The following MLXIP variants were observed in gnomAD, a reference collection of about 807,000 sequenced individuals.
The protein encoded by MLXIP is MLX-interacting protein.
A neutral mutation model predicts 87.2 loss-of-function variants in MLXIP; 30 were observed. The ratio of observed to expected loss-of-function variants is 0.34; its 90% CI spans 0.26 to 0.47. The LOEUF is 0.47. Ranked by LOEUF, MLXIP falls within the 20% of genes least tolerant of loss-of-function variation. The pLI is 1.00. For synonymous variants in MLXIP, 530 were observed against 514.0 expected (o/e 1.03, Z -0.42); for missense variants, 1,002 against 1,240.1 (o/e 0.81, Z 2.88).
chr12:122,116,684 AC>A (rs1469555491), intron 1 of MLXIP, among the ~76,000 whole-genome samples: 2 of 152,186 alleles, frequency 1.3e-5, no homozygotes, highest in African/African-American at 4.8e-5. Context: ...AAACTTAAGA[AC>A]ATGCCCAAGA....
At chr12:122,110,050 T>C (rs1952580485) in intron 1 of MLXIP, among the ~76,000 whole-genome samples, 2 of 152,126 alleles carry the variant, frequency 1.3e-5, no homozygotes. Context: ...CCAGGAACTC[T>C]CTTTCTGGGG....
chr12:122,130,099 T>A lies in MLXIP; in HGVS notation c.897T>A (p.Asn299Lys). 1 of 1,613,434 alleles carries A rather than the reference T, an allele frequency of 6.2e-7. No individual in the cohort carries two copies. Among genetic ancestry groups the A allele is most frequent in the Non-Finnish European group, 8.5e-7 (1 of 1,179,692 alleles). The change falls in exon 6 of 17, where the codon AAT becomes AAA. Residue 299 changes from asparagine to lysine, a missense_variant. Around this residue, in one of 3 missense-constraint regions of MLXIP, gnomAD observed 746 missense variants for 897.0 expected, o/e 0.83. Coordinates refer to ENST00000319080, the MANE Select transcript of MLXIP (RefSeq NM_014938.6). ...LSSHQPVAWP[N>K]PREIAHLGNA... ...CACACCAGCCGGTGGCCTGGCCCAA[T>A]CCCCGGGAAATAGGTAACCCAAACC... is the stretch of plus-strand genomic sequence containing the variant.
chr12:122,102,192 A>G (rs1282151167), intron 1 of MLXIP, among the ~76,000 whole-genome samples: 1 of 152,232 alleles, frequency 6.6e-6, no homozygotes, highest in Non-Finnish European at 1.5e-5. Context: ...CAAATTATAT[A>G]TCTATTAAAA....
rs1296562616 is a variant in MLXIP at position 122,078,782 on chromosome 12, G to C, written c.-72G>C. ...GTCGGCGCGCGGGCCGGGCCGGGCC[G>C]GCGCCCCTCTGCCTCGCGCGCTTGT... On this transcript the variant is annotated 5_prime_UTR_variant, in exon 1 of 17. Coordinates refer to ENST00000319080, the MANE Select transcript of MLXIP (RefSeq NM_014938.6). 9.8e-7 allele frequency: 1 copy of C among 1,018,610 alleles called. No homozygotes were observed. Among genetic ancestry groups the C allele is most frequent in the African/African-American group, 1.8e-5 (1 of 57,014 alleles). 63.1% of individuals were successfully genotyped at this position (1,018,610 alleles called of 1,614,324 possible). A position where few individuals can be genotyped will look rare whatever the true frequency, so the allele number is the denominator to read the frequency against.
In MLXIP at chr12:122,079,196, A is replaced by G. The variant is rs1419640670; in HGVS notation, c.343A>G (p.Thr115Ala). 1 of 1,551,100 alleles carries G rather than the reference A, an allele frequency of 6.4e-7. No homozygotes were observed. The highest frequency in any genetic ancestry group is 1.2e-5 in the South Asian group (1 of 84,046). Residue 115 changes from threonine to alanine, a missense_variant, in exon 1 of 17, where the codon ACT becomes GCT. By Grantham distance (58) the Thr-to-Ala change is moderately conservative. Coordinates refer to ENST00000319080, the MANE Select transcript of MLXIP (RefSeq NM_014938.6). ...QTCQTYSFGKTSSCHLSIDAS... is the reference protein window; with the variant it reads ...QTCQTYSFGKASSCHLSIDAS... ...GTGCCAGACCTACAGCTTCGGCAAG[A>G]CTAGCTCCTGCCACCTGTCCATCGA...
intron 11 of MLXIP, chr12:122,136,923 G>A (rs1953103945): frequency 6.6e-6 from 1 of 152,216 alleles, no homozygotes; most frequent in Non-Finnish European, 1.5e-5. Context: ...CAGCCTCACG[G>A]GGAGTTTGGG....
At chr12:122,087,606 G>A (rs1433376144) in intron 1 of MLXIP, among the ~76,000 whole-genome samples, 1 of 152,212 alleles carries the variant, frequency 6.6e-6, no homozygotes, top group African/African-American at 2.4e-5. Flanking sequence ...GAATGTAGAG[G>A]GCAGGAGTGA....
rs370249501 is a variant in MLXIP, at chr12:122,133,552, A to C, written c.1297A>C (p.Thr433Pro). ...SVPQPFLPVFTMPLLSPSPAP... is the reference protein window; with the variant it reads ...SVPQPFLPVFPMPLLSPSPAP... ...CCCGCAGCCCTTCCTCCCTGTCTTCACCATGCCCCTGCTGTCTCCCAGCCC... is the reference window on the plus strand; with the variant it reads ...CCCGCAGCCCTTCCTCCCTGTCTTCCCCATGCCCCTGCTGTCTCCCAGCCC... The change falls in exon 9 of 17, where the codon ACC becomes CCC. Residue 433 changes from threonine to proline, a missense_variant. Around this residue, in one of 3 missense-constraint regions of MLXIP, gnomAD observed 746 missense variants for 897.0 expected, o/e 0.83. Transcript: ENST00000319080. The surrounding 1 kb of genome is among the most constrained non-coding windows in gnomAD (Gnocchi z 4.9). 6.2e-7 allele frequency: 1 copy of C among 1,606,294 alleles called. No homozygotes were observed. The highest frequency in any genetic ancestry group is 1.3e-5 in the African/African-American group (1 of 74,582).
chr12:122,103,967 G>C (rs1311207119), intron 1 of MLXIP, among the ~76,000 whole-genome samples: 1 of 151,730 alleles, frequency 6.6e-6, no homozygotes, highest in African/African-American at 2.4e-5. Flanking sequence ...AAGCTACCGT[G>C]CCTGGCCAAA....
chr12:122,133,275 T>A lies in MLXIP; in HGVS notation c.1093-73T>A. ...AGCGCCCGGCCTGTGTAGTTGGACT[T>A]GGCAGTGTGCAGCGCTAGAAAGGAA... On this transcript the variant is annotated intron_variant, in intron 8 of 16. Coordinates refer to ENST00000319080, the MANE Select transcript of MLXIP (RefSeq NM_014938.6). The surrounding 1 kb of genome is among the most constrained non-coding windows in gnomAD (Gnocchi z 4.9). 6.7e-7 allele frequency: 1 copy of A among 1,491,678 alleles called. No homozygotes were observed. The highest frequency in any genetic ancestry group is 8.9e-7 in the Non-Finnish European group (1 of 1,122,170). The allele number at this position is 1,491,678 out of a possible 1,614,324, so 92.4% of individuals were successfully genotyped here.
Position 122,145,631 on chromosome 12 carries a change from G to GC in MLXIP, c.*3824dup, listed in dbSNP as rs1245281040. On this transcript the variant is annotated 3_prime_UTR_variant, in exon 17 of 17. Coordinates refer to ENST00000319080, the MANE Select transcript of MLXIP (RefSeq NM_014938.6). ...GCCCCTTCCTCCAAGGCCCTAGCTGGCCCCCGGGTGAACCTGAGGTGGCAG... is the reference window on the plus strand; with the variant it reads ...GCCCCTTCCTCCAAGGCCCTAGCTGGCCCCCCGGGTGAACCTGAGGTGGCAG... 2 of 152,600 alleles carry GC rather than the reference G, an allele frequency of 1.3e-5. No individual in the cohort carries two copies. The highest frequency in any genetic ancestry group is 2.9e-5 in the Non-Finnish European group (2 of 68,276). 9.5% of individuals were successfully genotyped at this position (152,600 alleles called of 1,614,324 possible).
intron 1 of MLXIP, among the ~76,000 whole-genome samples, chr12:122,103,196 TATG>T (rs1240521377): frequency 8.7e-4 from 54 of 61,804 alleles, no homozygotes; most frequent in South Asian, 4.8e-3. Flanking sequence ...TGTATGTATG[TATG>T]TATTTATTTA....
chr12:122,082,432 C>T (rs1486000793), intron 1 of MLXIP, among the ~76,000 whole-genome samples: 1 of 152,132 alleles, frequency 6.6e-6, no homozygotes, highest in Non-Finnish European at 1.5e-5. Flanking sequence ...GATAAAATTT[C>T]CCTGCAAGGT....
At chr12:122,107,193 G>A (rs1952534274) in intron 1 of MLXIP, among the ~76,000 whole-genome samples, 1 of 152,148 alleles carries the variant, frequency 6.6e-6, no homozygotes, top group South Asian at 2.1e-4. Context: ...GCCCTTGGTG[G>A]CATTTCCTCG....
intron 1 of MLXIP, among the ~76,000 whole-genome samples, chr12:122,115,183 G>T (rs1002051263): frequency 6.6e-6 from 1 of 151,990 alleles, no homozygotes. Flanking sequence ...ATTATGGATA[G>T]ATATATATTT....
intron 1 of MLXIP, among the ~76,000 whole-genome samples, chr12:122,088,609 A>G (rs1312409800): frequency 6.6e-6 from 1 of 152,208 alleles, no homozygotes; most frequent in Non-Finnish European, 1.5e-5. Flanking sequence ...GGCTGTGGGT[A>G]GAAGCAGCCG....
chr12:122,110,835 T>C (rs1319328865), intron 1 of MLXIP, among the ~76,000 whole-genome samples: 3 of 151,802 alleles, frequency 2.0e-5, no homozygotes, highest in African/African-American at 4.8e-5. Flanking sequence ...CCCAGCACTT[T>C]GGGAGGCCAA....
chr12:122,090,169 G>A (rs946229202), intron 1 of MLXIP, among the ~76,000 whole-genome samples: 49 of 152,284 alleles, frequency 3.2e-4, no homozygotes, highest in African/African-American at 1.2e-3. Flanking sequence ...GCCACAACAT[G>A]GATGAATCTC....
chr12:122,124,229 CCCTCAGCCGTCCCCCA>C (rs1952836409), intron 1 of MLXIP, among the ~76,000 whole-genome samples: 1 of 72,504 alleles, frequency 1.4e-5, no homozygotes, highest in African/African-American at 6.0e-5. Flanking sequence ...CGTCCCCCCA[CCCTCAGCCGTCCCCCA>C]CCTCAGCCGC....
Sources: allele counts gnomAD v4.1 joint callset (sites outside exome capture counted in the v4.1 genomes callset), GRCh38; gene constraint gnomAD v4.1.1; regional missense constraint gnomAD v4.1.1; non-coding constraint Gnocchi (gnomAD v3.1); transcripts MANE v1.5; gene names NCBI Gene and HGNC (gene_info 2026-07-23, HGNC 2026-07-21).